MCF2L2: variants seen among roughly 807,000 people sequenced by gnomAD.
The protein encoded by MCF2L2 is MCF.2 cell line derived transforming sequence-like 2.
MCF2L2 carries 102 observed loss-of-function variants against 150.2 expected under a neutral mutation model. That is an observed-to-expected ratio of 0.68 (90% confidence interval 0.58 to 0.80). The LOEUF is 0.80. MCF2L2 is among the 30% of genes least tolerant of loss of function. MCF2L2 has a pLI of 0.00. For synonymous variants in MCF2L2, 465 were observed against 491.3 expected (o/e 0.95, Z 0.71); for missense variants, 1,256 against 1,372.8 (o/e 0.91, Z 1.34).
Position 183,182,819 on chromosome 3 carries a change from G to A in MCF2L2, c.3017-2660C>T, listed in dbSNP as rs544523221. 2.6e-5 allele frequency: 4 copies of A among 152,414 alleles called. No individual in the cohort carries two copies. The East Asian group carries it at 7.7e-4, about 29-fold the overall frequency. 9.4% of individuals were successfully genotyped at this position (152,414 alleles called of 1,614,324 possible). Reference sequence around the variant, plus strand: ...GGCAAAGCCCCTGGTTCTCTGCGGAGGAAAGTGCGGCTCACAGGGTGCCCC... The same window carrying A: ...GGCAAAGCCCCTGGTTCTCTGCGGAAGAAAGTGCGGCTCACAGGGTGCCCC... On this transcript the variant is annotated intron_variant, in intron 27 of 29. Coordinates refer to ENST00000328913, the MANE Select transcript of MCF2L2 (RefSeq NM_015078.4).
chr3:183,193,220 G>C (rs534369600), intron 26 of MCF2L2, 124 bp from the exon 27 acceptor site: 8 of 741,944 alleles, frequency 1.1e-5, no homozygotes, highest in African/African-American at 1.0e-4. Context: ...AGGACCTGCT[G>C]CTCCTCCCTC....
intron 3 of MCF2L2, among the ~76,000 whole-genome samples, chr3:183,366,283 G>A (rs1411260047): frequency 2.0e-5 from 3 of 152,154 alleles, no homozygotes; most frequent in Non-Finnish European, 4.4e-5. Context: ...TCCATTCCCA[G>A]CCAAACTACT....
intron 1 of MCF2L2, among the ~76,000 whole-genome samples, chr3:183,414,354 A>T (rs974242583): frequency 6.6e-6 from 1 of 152,028 alleles, no homozygotes; most frequent in African/African-American, 2.4e-5. Context: ...AGGTTATCTT[A>T]TTTGTTGGCA....
At chr3:183,293,271 A>G (rs747892335) in intron 13 of MCF2L2, among the ~76,000 whole-genome samples, 7 of 152,248 alleles carry the variant, frequency 4.6e-5, no homozygotes, top group Non-Finnish European at 8.8e-5. Context: ...GAGACATTTC[A>G]TAATTATAAA....
In MCF2L2 at chr3:183,243,289, T is replaced by C. The variant is rs371192116; in HGVS notation, c.1863-12272A>G. ...CCGGGGTGAAATGATATGGTTTGTC[T>C]CTGTGTCCCCAGCTTCATCAGGATC... On this transcript the variant is annotated intron_variant, in intron 15 of 29. Transcript: ENST00000328913. 7.2e-5 allele frequency among the ~76,000 whole-genome samples: 11 copies of C among 152,316 alleles called. No homozygotes were observed. The East Asian group carries it at 2.1e-3, about 29-fold the overall frequency.
intron 14 of MCF2L2, among the ~76,000 whole-genome samples, chr3:183,278,824 CTTTTACACTGAATGATGAGAT>C (rs749509816): frequency 1.0e-3 from 157 of 152,304 alleles, no homozygotes; most frequent in Admixed American, 5.8e-3. Context: ...ACCTTGTCAT[CTTTTACACTGAATGATGAGAT>C]TTCCCTAATT....
intron 2 of MCF2L2, among the ~76,000 whole-genome samples, chr3:183,383,002 G>A (rs142381496): frequency 6.6e-6 from 1 of 152,040 alleles, no homozygotes; most frequent in Non-Finnish European, 1.5e-5. Flanking sequence ...TTTAACTGGG[G>A]AAATGGCAGA....
intron 14 of MCF2L2, among the ~76,000 whole-genome samples, chr3:183,284,125 A>G (rs1559996193): frequency 6.6e-6 from 1 of 152,112 alleles, no homozygotes; most frequent in African/African-American, 2.4e-5. Flanking sequence ...TAGTGATGTC[A>G]TTTCTTTATT....
chr3:183,408,272 C>G (rs1577132281), intron 1 of MCF2L2, among the ~76,000 whole-genome samples: 1 of 152,138 alleles, frequency 6.6e-6, no homozygotes, highest in Non-Finnish European at 1.5e-5. Flanking sequence ...TGAAAGAGAA[C>G]CCTGGGGAGG....
intron 14 of MCF2L2, 52 bp downstream of exon 14, chr3:183,289,068 C>T (rs977973580): frequency 3.5e-5 from 41 of 1,187,700 alleles, no homozygotes; most frequent in Non-Finnish European, 4.9e-5. Flanking sequence ...ATTGTGACAG[C>T]AATCTTCCCT....
intron 5 of MCF2L2, among the ~76,000 whole-genome samples, chr3:183,331,329 C>T (rs564818346): frequency 7.2e-5 from 11 of 152,300 alleles, no homozygotes; most frequent in South Asian, 2.1e-4. Flanking sequence ...GTAGCCCATG[C>T]GGCGTGAGGT....
At chr3:183,348,214 T>C (rs1047825395) in intron 3 of MCF2L2, among the ~76,000 whole-genome samples, 3 of 152,098 alleles carry the variant, frequency 2.0e-5, no homozygotes, top group East Asian at 1.9e-4. Flanking sequence ...TAGAATACTA[T>C]GCAGCCATAA....
chr3:183,391,609 G>T (rs6802040), intron 1 of MCF2L2, among the ~76,000 whole-genome samples: 33,418 of 152,104 alleles, frequency 0.22, 4,238 homozygotes, highest in African/African-American at 0.34. Flanking sequence ...CTATGCATGG[G>T]GTGGAAGTGG....
chr3:183,224,661 C>T (rs1385861432), intron 18 of MCF2L2: 1 of 153,086 alleles, frequency 6.5e-6, no homozygotes, highest in African/African-American at 2.4e-5. Flanking sequence ...AAGAAACAAC[C>T]AAAAGATGGA....
At chr3:183,372,017 C>T (rs1560045017) in intron 3 of MCF2L2, 2 of 126,266 alleles carry the variant, frequency 1.6e-5, no homozygotes, top group East Asian at 2.4e-4. Context: ...GGAGGTATAT[C>T]GTTTTTTTTT....
Position 183,206,158 on chromosome 3 carries a change from A to C in MCF2L2, c.2769T>G (p.Ile923Met), listed in dbSNP as rs1722463487. Reference protein sequence around the residue: ...LGRGSHRKFEIASRNGLEKYI... With the variant: ...LGRGSHRKFEMASRNGLEKYI... ...ATTTCTCAAGTCCATTTCGACTGGC[A>C]ATCTCAAACTTTCTATGGCTCCCCC... Residue 923 changes from isoleucine (I) to methionine (M), a missense_variant, in exon 24 of 30, where the codon ATT (isoleucine) becomes ATG (methionine). Ile to Met is a conservative substitution (Grantham distance 10). Coordinates refer to ENST00000328913, the MANE Select transcript of MCF2L2 (RefSeq NM_015078.4). 1 of 1,614,204 alleles carries C rather than the reference A, an allele frequency of 6.2e-7. No homozygotes were observed. The highest frequency in any genetic ancestry group is 2.2e-5 in the East Asian group (1 of 44,866).
chr3:183,287,245 G>T (rs147188770), intron 14 of MCF2L2, among the ~76,000 whole-genome samples: 1 of 152,272 alleles, frequency 6.6e-6, no homozygotes, highest in African/African-American at 2.4e-5. Flanking sequence ...TCCTTTATAT[G>T]AGAACTTCCA....
chr3:183,320,987 G>A (rs1201853608), intron 6 of MCF2L2, among the ~76,000 whole-genome samples: 1 of 152,226 alleles, frequency 6.6e-6, no homozygotes, highest in Admixed American at 6.5e-5. Flanking sequence ...GGCCCGAGGA[G>A]AGGGAGAGAG....
At chr3:183,292,287 G>A (rs1728199375) in intron 13 of MCF2L2, among the ~76,000 whole-genome samples, 1 of 152,100 alleles carries the variant, frequency 6.6e-6, no homozygotes, top group Non-Finnish European at 1.5e-5. Flanking sequence ...AGGCATGGTG[G>A]CTCACAACTG....
Sources: gnomAD v4.1 joint callset for allele counts (sites outside exome capture counted in the v4.1 genomes callset) on GRCh38, gnomAD v4.1.1 for gene constraint, MANE v1.5 for transcripts, NCBI Gene and HGNC (gene_info 2026-07-23, HGNC 2026-07-21) for gene names.